Variants in NBAS observed in about 807,000 individuals in gnomAD.
NBAS encodes the protein NBAS subunit of NRZ tethering complex, also known as NAG/BC035112 fusion.
NBAS carries 219 observed loss-of-function variants against 302.5 expected under a neutral mutation model. That is an observed-to-expected ratio of 0.72 (90% CI 0.65 to 0.81). The LOEUF (loss-of-function observed/expected upper bound fraction) is 0.81, where lower values mean the gene tolerates loss of function less well. NBAS is among the 30% of genes least tolerant of loss of function. The pLI, the probability that NBAS is intolerant of heterozygous loss-of-function variation, is 0.00. For missense variants in NBAS, 2,932 were observed against 2,841.6 expected (o/e 1.03, Z -0.72); for synonymous variants, 1,118 against 1,021.6 (o/e 1.09, Z -1.80).
chr2:15,247,530 G>A (rs1668147241), intron 44 of NBAS, among the ~76,000 whole-genome samples: 1 of 151,898 alleles, frequency 6.6e-6, no homozygotes, highest in East Asian at 1.9e-4. Context: ...TATTTAGCAA[G>A]CAAATGGAAA....
the NBAS span, among the ~76,000 whole-genome samples, chr2:15,044,255 T>C: frequency 6.6e-6 from 1 of 152,204 alleles, no homozygotes; most frequent in Admixed American, 6.5e-5. Context: ...TGCTGCCTGA[T>C]TTGCAGGTAA....
intron 31 of NBAS, among the ~76,000 whole-genome samples, chr2:15,369,010 A>G (rs1474209297): frequency 6.6e-6 from 1 of 152,232 alleles, no homozygotes; most frequent in Non-Finnish European, 1.5e-5. Flanking sequence ...ACCTTATCAC[A>G]ATAAAAACAC....
At chr2:15,170,516 T>C (rs1241015195) in intron 51 of NBAS, among the ~76,000 whole-genome samples, 1 of 152,172 alleles carries the variant, frequency 6.6e-6, no homozygotes, top group Non-Finnish European at 1.5e-5. Flanking sequence ...TGCATTGAGC[T>C]TGGGCAGTGA....
At chr2:15,427,125 G>C (rs1451699246) in intron 22 of NBAS, among the ~76,000 whole-genome samples, 1 of 151,986 alleles carries the variant, frequency 6.6e-6, no homozygotes, top group Non-Finnish European at 1.5e-5. Flanking sequence ...TCAATTTAGA[G>C]GCCCTTTGCC....
chr2:14,932,092 T>G, the NBAS span, among the ~76,000 whole-genome samples: 1 of 152,324 alleles, frequency 6.6e-6, no homozygotes, highest in Admixed American at 6.5e-5. Context: ...GAGTGAGGTC[T>G]GAAGAGTTGT....
At chr2:15,185,595 T>C (rs1325995845) in intron 50 of NBAS, among the ~76,000 whole-genome samples, 1 of 152,072 alleles carries the variant, frequency 6.6e-6, no homozygotes, top group Non-Finnish European at 1.5e-5. Flanking sequence ...GAGCCCACAA[T>C]ATAGCAGAGC....
chr2:15,133,451 C>T, the NBAS span, among the ~76,000 whole-genome samples: 1 of 152,152 alleles, frequency 6.6e-6, no homozygotes, highest in Non-Finnish European at 1.5e-5. Flanking sequence ...GATAGAACAG[C>T]ATTAGCAAAG....
the NBAS span, among the ~76,000 whole-genome samples, chr2:15,008,619 G>A: frequency 5.9e-5 from 9 of 152,196 alleles, no homozygotes; most frequent in South Asian, 2.1e-4. Context: ...ACCTCTGATC[G>A]GGGCTACTTG....
chr2:15,522,512 GCT>G (rs1662721423), intron 9 of NBAS, among the ~76,000 whole-genome samples: 1 of 152,198 alleles, frequency 6.6e-6, no homozygotes, highest in Non-Finnish European at 1.5e-5. Context: ...TGAATAAATA[GCT>G]CTGTGGCCTA....
chr2:15,141,087 T>C, the NBAS span, among the ~76,000 whole-genome samples: 2 of 152,218 alleles, frequency 1.3e-5, no homozygotes, highest in Admixed American at 1.3e-4. Context: ...GAAATATCTT[T>C]CTTGAGATTT....
chr2:15,273,076 C>T (rs563467960), intron 44 of NBAS, among the ~76,000 whole-genome samples: 14 of 152,222 alleles, frequency 9.2e-5, no homozygotes, highest in Non-Finnish European at 1.9e-4. Flanking sequence ...GCAGACAGCC[C>T]CAGATGATCA....
chr2:15,049,145 ACACCAGTTTGGTCCAGGACT>A, the NBAS span, among the ~76,000 whole-genome samples: 3 of 152,184 alleles, frequency 2.0e-5, no homozygotes, highest in Non-Finnish European at 4.4e-5. Flanking sequence ...GATGCCTCAT[ACACCAGTTTGGTCCAGGACT>A]CAAGGCCGGC....
chr2:14,841,846 C>A, the NBAS span, among the ~76,000 whole-genome samples: 4 of 151,976 alleles, frequency 2.6e-5, no homozygotes, highest in Non-Finnish European at 5.9e-5. Context: ...ATAAGCCTAA[C>A]TGACATTTAC....
At chr2:15,027,200 A>G in the NBAS span, among the ~76,000 whole-genome samples, 117,068 of 152,012 alleles carry the variant, frequency 0.77, 45,353 homozygotes, top group East Asian at 1. Flanking sequence ...AGATAAGTGC[A>G]TAACAAGAAG....
At chr2:15,407,148 T>A (rs1219402316) in intron 25 of NBAS, among the ~76,000 whole-genome samples, 2 of 152,246 alleles carry the variant, frequency 1.3e-5, no homozygotes, top group Non-Finnish European at 2.9e-5. Context: ...CATGGAAAGC[T>A]AGTGAGACTA....
intron 28 of NBAS, among the ~76,000 whole-genome samples, chr2:15,389,803 G>A (rs913350654): frequency 5.9e-5 from 9 of 152,212 alleles, no homozygotes; most frequent in African/African-American, 2.2e-4. Context: ...CTGTCACCCA[G>A]ACTGGAGTGC....
chr2:15,218,448 G>A (rs1237569005), intron 48 of NBAS, among the ~76,000 whole-genome samples: 2 of 152,046 alleles, frequency 1.3e-5, no homozygotes, highest in Non-Finnish European at 2.9e-5. Context: ...CTTTTGAGAT[G>A]GAGTCTTGCT....
chr2:14,942,336 T>C, the NBAS span, among the ~76,000 whole-genome samples: 89 of 152,290 alleles, frequency 5.8e-4, no homozygotes, highest in Middle Eastern at 3.4e-3. Flanking sequence ...GGATTTCTCA[T>C]GAGTAGTTTA....
the NBAS span, among the ~76,000 whole-genome samples, chr2:14,999,520 G>A: frequency 6.6e-6 from 1 of 152,100 alleles, no homozygotes; most frequent in African/African-American, 2.4e-5. Flanking sequence ...GAGTTCTCAG[G>A]AGATCTGGTT....
Sources: allele counts gnomAD v4.1 joint callset (sites outside exome capture counted in the v4.1 genomes callset), GRCh38; gene constraint gnomAD v4.1.1; transcripts MANE v1.5; gene names NCBI Gene and HGNC (gene_info 2026-07-23, HGNC 2026-07-21).